The following GPRIN3 variants were observed in gnomAD, a reference collection of about 807,000 sequenced individuals.
GPRIN3 encodes the protein GPRIN family member 3, also known as G protein-regulated inducer of neurite outgrowth 3.
In GPRIN3, 12 loss-of-function variants were observed where a neutral mutation model predicts 13.7. The observed-to-expected ratio is 0.87, with a 90% CI of 0.56 to 1.42. The LOEUF (loss-of-function observed/expected upper bound fraction) is 1.42, where lower values mean the gene tolerates loss of function less well. Among genes scored for constraint, GPRIN3 ranks in the 40% most tolerant of loss-of-function variants. GPRIN3 has a pLI of 0.00. For synonymous variants in GPRIN3, 377 were observed against 372.7 expected (o/e 1.01, Z -0.13); for missense variants, 1,009 against 958.7 (o/e 1.05, Z -0.69).
Position 89,244,679 on chromosome 4 carries a change from A to T in GPRIN3, c.*3101T>A, listed in dbSNP as rs917569823. 9 of 152,194 alleles carry T rather than the reference A, an allele frequency of 5.9e-5. No homozygotes were observed. Among genetic ancestry groups the T allele is most frequent in the African/African-American group, 2.2e-4 (9 of 41,454 alleles). The allele number at this position is 152,194 out of a possible 1,614,324, so 9.4% of individuals were successfully genotyped here. A position where few individuals can be genotyped will look rare whatever the true frequency, so the allele number is the denominator to read the frequency against. On this transcript the variant is annotated 3_prime_UTR_variant, in exon 2 of 2. Coordinates refer to ENST00000609438, the MANE Select transcript of GPRIN3 (RefSeq NM_198281.3). ...TCACATTTTTCTCATGGTCATAAAA[A>T]CAGAACAATCAATCTTTAAATTAAA...
At chr4:89,293,981 G>T (rs914173322) in intron 1 of GPRIN3, among the ~76,000 whole-genome samples, 1 of 152,082 alleles carries the variant, frequency 6.6e-6, no homozygotes, top group South Asian at 2.1e-4. Flanking sequence ...TAGTACTAAT[G>T]TACTGAGCCT....
At chr4:89,282,693 A>C (rs1389455345) in intron 1 of GPRIN3, among the ~76,000 whole-genome samples, 2 of 151,196 alleles carry the variant, frequency 1.3e-5, no homozygotes, top group African/African-American at 4.9e-5. Context: ...AAGCCAAAAG[A>C]CTGGACAACC....
chr4:89,277,059 C>T (rs182037608), intron 1 of GPRIN3, among the ~76,000 whole-genome samples: 73 of 152,094 alleles, frequency 4.8e-4, no homozygotes, highest in Non-Finnish European at 1.0e-4. Context: ...TTCTCACACA[C>T]ATCTTGGGAG....
At chr4:89,294,304 T>G (rs987755031) in intron 1 of GPRIN3, among the ~76,000 whole-genome samples, 1 of 152,174 alleles carries the variant, frequency 6.6e-6, no homozygotes, top group Non-Finnish European at 1.5e-5. Context: ...CTCAGCACTT[T>G]GGGAGGCAAA....
chr4:89,253,578 G>A (rs573986897), intron 1 of GPRIN3, among the ~76,000 whole-genome samples: 2 of 152,296 alleles, frequency 1.3e-5, no homozygotes, highest in East Asian at 3.9e-4. Context: ...GCAACTGAAA[G>A]TTAAAAGACT....
chr4:89,266,396 A>G (rs779851876), intron 1 of GPRIN3, among the ~76,000 whole-genome samples: 65 of 152,222 alleles, frequency 4.3e-4, no homozygotes, highest in Non-Finnish European at 1.3e-4. Context: ...CATGAGACCA[A>G]GAGTAAGTGG....
chr4:89,272,979 A>T (rs1369695740), intron 1 of GPRIN3, among the ~76,000 whole-genome samples: 1 of 152,212 alleles, frequency 6.6e-6, no homozygotes, highest in South Asian at 2.1e-4. Context: ...ATAGAGCTTT[A>T]GAAGTGTTGA....
Position 89,248,062 on chromosome 4 carries a change from G to A in GPRIN3, c.2049C>T (p.Asp683=), listed in dbSNP as rs750941018. ...LQLKQSKRVR[D]VVWDEQGMTW... The stretch of plus-strand genomic sequence containing the variant: ...TCATTCCCTGCTCATCCCACACGAC[G>A]TCCCTGACACGCTTGGACTGTTTCA... Residue 683 remains aspartate, a synonymous_variant, in exon 2 of 2, where the codon GAC becomes GAT. Transcript: ENST00000609438. The A allele has an allele frequency of 2.1e-5, 34 of 1,613,928 alleles. No homozygotes were observed. Among genetic ancestry groups the A allele is most frequent in the East Asian group, 4.5e-5 (2 of 44,858 alleles).
chr4:89,250,063 A>C lies in GPRIN3; in HGVS notation c.48T>G (p.Ile16Met). 4 of 1,614,168 alleles carry C rather than the reference A, an allele frequency of 2.5e-6. No individual in the cohort carries two copies. The highest frequency in any genetic ancestry group is 2.5e-6 in the Non-Finnish European group (3 of 1,180,006). Reference protein sequence around the residue: ...DPLRSAKTSLIAASGKEDDLG... With the variant: ...DPLRSAKTSLMAASGKEDDLG... ...GATCGTCTTCTTTTCCGGAAGCTGC[A>C]ATCAGGGAAGTTTTAGCTGATCTCA... The change falls in exon 2 of 2, where the codon ATT becomes ATG. Residue 16 changes from isoleucine to methionine, a missense_variant. By Grantham distance (10) the Ile-to-Met change is conservative. Transcript: ENST00000609438.
In GPRIN3 at chr4:89,239,641, G is replaced by A. The variant is rs917050626; in HGVS notation, c.*8139C>T. 1 of 152,070 alleles carries A rather than the reference G, an allele frequency of 6.6e-6. No homozygotes were observed. Among genetic ancestry groups the A allele is most frequent in the African/African-American group, 2.4e-5 (1 of 41,428 alleles). The allele number at this position is 152,070 out of a possible 1,614,324, so 9.4% of individuals were successfully genotyped here. Reference sequence around the variant, plus strand: ...TTGCCAAATGGAATTCTCTATCAAGGGGTGATTCTGGTATTTCCATTTATA... The same window carrying A: ...TTGCCAAATGGAATTCTCTATCAAGAGGTGATTCTGGTATTTCCATTTATA... On this transcript the variant is annotated 3_prime_UTR_variant, in exon 2 of 2. Transcript: ENST00000609438.
chr4:89,301,741 T>G (rs1039732046), intron 1 of GPRIN3, among the ~76,000 whole-genome samples: 6 of 152,236 alleles, frequency 3.9e-5, no homozygotes, highest in Non-Finnish European at 8.8e-5. Flanking sequence ...AAAAAAATTC[T>G]CTGTAACTCT....
At chr4:89,270,854 T>C (rs905252374) in intron 1 of GPRIN3, among the ~76,000 whole-genome samples, 1 of 151,970 alleles carries the variant, frequency 6.6e-6, no homozygotes, top group African/African-American at 2.4e-5. Flanking sequence ...CAAAAAGTAC[T>C]ATGCAGAAAT....
Position 89,243,404 on chromosome 4 carries a change from G to A in GPRIN3, c.*4376C>T, listed in dbSNP as rs1722998005. 6.6e-6 allele frequency: 1 copy of A among 152,166 alleles called. No individual in the cohort carries two copies. The highest frequency in any genetic ancestry group is 1.5e-5 in the Non-Finnish European group (1 of 68,030). 9.4% of individuals were successfully genotyped at this position (152,166 alleles called of 1,614,324 possible). A position where few individuals can be genotyped will look rare whatever the true frequency, so the allele number is the denominator to read the frequency against. The stretch of plus-strand genomic sequence containing the variant: ...AGATTCAGCATATCCTCTGTTATTT[G>A]CCAGGTGGCAGCAGCTGACCCGAAT... On this transcript the variant is annotated 3_prime_UTR_variant, in exon 2 of 2. Coordinates refer to ENST00000609438, the MANE Select transcript of GPRIN3 (RefSeq NM_198281.3).
At chr4:89,270,581 A>ATTTATATATGTATATAATT (rs1403252531) in intron 1 of GPRIN3, among the ~76,000 whole-genome samples, 1 of 100,148 alleles carries the variant, frequency 1.0e-5, no homozygotes, top group African/African-American at 5.9e-5. Context: ...ATATATATAT[A>ATTTATATATGTATATAATT]TATATATATA....
At chr4:89,265,176 C>G (rs1028460528) in intron 1 of GPRIN3, among the ~76,000 whole-genome samples, 3 of 152,092 alleles carry the variant, frequency 2.0e-5, no homozygotes, top group Non-Finnish European at 2.9e-5. Context: ...AGTTCAAATG[C>G]TAAGCAATAC....
In GPRIN3 at chr4:89,286,081, A is replaced by ATGTG. The variant is rs148319671; in HGVS notation, c.-124+21530_-124+21533dup. Among the ~76,000 whole-genome samples the ATGTG allele has an allele frequency of 4.0e-3, 551 of 136,470 alleles. 3 individuals carry two copies. The highest frequency in any genetic ancestry group is 0.011 in the Middle Eastern group (3 of 276). 89.5% of individuals were successfully genotyped at this position (136,470 alleles called of 152,430 possible). The stretch of plus-strand genomic sequence containing the variant: ...GTTGCTCAATTACATGTGTACGTGT[A>ATGTG]TGTGTGTGTGTATATATATATATAT... On this transcript the variant is annotated intron_variant, in intron 1 of 1. Coordinates refer to ENST00000609438, the MANE Select transcript of GPRIN3 (RefSeq NM_198281.3).
intron 1 of GPRIN3, among the ~76,000 whole-genome samples, chr4:89,294,148 A>G (rs1276163920): frequency 6.6e-6 from 1 of 152,228 alleles, no homozygotes; most frequent in Non-Finnish European, 1.5e-5. Flanking sequence ...CTTCGGCATA[A>G]TAATGAGTTA....
chr4:89,244,075 G>T lies in GPRIN3; in HGVS notation c.*3705C>A, dbSNP rs1723020618. On this transcript the variant is annotated 3_prime_UTR_variant, in exon 2 of 2. Coordinates refer to ENST00000609438, the MANE Select transcript of GPRIN3 (RefSeq NM_198281.3). ...TAACATCATACTCTGTTCTTGGTAT[G>T]CTATATATAGGGATTCTCAGAATGA... 6.6e-6 allele frequency: 1 copy of T among 152,170 alleles called. No homozygotes were observed. Among genetic ancestry groups the T allele is most frequent in the Non-Finnish European group, 1.5e-5 (1 of 68,032 alleles). The allele number at this position is 152,170 out of a possible 1,614,324, so 9.4% of individuals were successfully genotyped here.
At position 89,254,128 on chromosome 4, in the gene GPRIN3, G is replaced by GGTGTGTGTGTGTGTGTGTGTGTGT. The variant is rs57642647; in HGVS notation, c.-123-3896_-123-3895insACACACACACACACACACACACAC. Among the ~76,000 whole-genome samples the GGTGTGTGTGTGTGTGTGTGTGTGT allele has an allele frequency of 2.5e-3, 363 of 147,746 alleles. 3 individuals carry two copies. Among genetic ancestry groups the GGTGTGTGTGTGTGTGTGTGTGTGT allele is most frequent in the South Asian group, 3.5e-3 (16 of 4,518 alleles). ...TCTACAGAAGGGTGTGTTGCATCTG[G>GGTGTGTGTGTGTGTGTGTGTGTGT]GTGTGTGTGTGTGTGTGTGTGTGGA... is the stretch of plus-strand genomic sequence containing the variant. On this transcript the variant is annotated intron_variant, in intron 1 of 1. Coordinates refer to ENST00000609438, the MANE Select transcript of GPRIN3 (RefSeq NM_198281.3).
Sources: allele counts gnomAD v4.1 joint callset (sites outside exome capture counted in the v4.1 genomes callset), GRCh38; gene constraint gnomAD v4.1.1; transcripts MANE v1.5; gene names NCBI Gene and HGNC (gene_info 2026-07-23, HGNC 2026-07-21).